Variants in NRG3 observed in about 807,000 individuals in gnomAD.
NRG3 encodes neuregulin 3, also known as pro-neuregulin-3, membrane-bound isoform.
A neutral mutation model predicts 66.9 loss-of-function variants in NRG3; 31 were observed. The observed-to-expected ratio is 0.46, with a 90% CI of 0.35 to 0.63. NRG3 has a LOEUF of 0.63. Among genes scored for constraint, NRG3 ranks in the 20% least tolerant of loss-of-function variants. NRG3 has a pLI of 0.00. For missense variants in NRG3, 910 were observed against 878.9 expected (o/e 1.04, Z -0.45); for synonymous variants, 393 against 359.4 (o/e 1.09, Z -1.06).
intron 2 of NRG3, among the ~76,000 whole-genome samples, chr10:82,692,494 T>C (rs988167654): frequency 2.6e-5 from 4 of 152,052 alleles, no homozygotes; most frequent in African/African-American, 9.7e-5. Context: ...CATTGAAGGG[T>C]GAGAAGGATG....
chr10:81,987,760 A>C lies in NRG3; in HGVS notation c.823+111597A>C, dbSNP rs537542786. On this transcript the variant is annotated intron_variant, in intron 1 of 8. Transcript: ENST00000372141. Reference sequence around the variant, plus strand: ...ATAAGCTCTTTGAAGTCACTTGTTAAATTTATCTTAGAGCTTTGATATCCA... The same window carrying C: ...ATAAGCTCTTTGAAGTCACTTGTTACATTTATCTTAGAGCTTTGATATCCA... 4.6e-5 allele frequency among the ~76,000 whole-genome samples: 7 copies of C among 152,326 alleles called. No individual in the cohort carries two copies. In the East Asian group the frequency reaches 1.4e-3, roughly 29 times the overall value.
chr10:82,924,688 T>C (rs1282031794), intron 4 of NRG3, among the ~76,000 whole-genome samples: 1 of 152,164 alleles, frequency 6.6e-6, no homozygotes, highest in African/African-American at 2.4e-5. Flanking sequence ...ATTAAGATTT[T>C]ACATATTTCA....
At chr10:82,908,634 G>A (rs953711435) in intron 4 of NRG3, among the ~76,000 whole-genome samples, 1 of 152,132 alleles carries the variant, frequency 6.6e-6, no homozygotes, top group Admixed American at 6.6e-5. Context: ...AATCCTCTCT[G>A]TCTGTCTCAC....
chr10:82,694,396 A>T (rs1477839311), intron 2 of NRG3, among the ~76,000 whole-genome samples: 2 of 152,128 alleles, frequency 1.3e-5, no homozygotes, highest in African/African-American at 4.8e-5. Context: ...ATTTTTTGGC[A>T]GTTATTTTTT....
At chr10:82,103,973 CT>C (rs35702929) in intron 1 of NRG3, among the ~76,000 whole-genome samples, 14,855 of 143,432 alleles carry the variant, frequency 0.1, 746 homozygotes, top group Non-Finnish European at 0.12. Context: ...TTTCTCGTGC[CT>C]TTTTTTTTTT....
chr10:82,462,772 G>C (rs1442442803), intron 2 of NRG3, among the ~76,000 whole-genome samples: 2 of 152,196 alleles, frequency 1.3e-5, no homozygotes, highest in Non-Finnish European at 2.9e-5. Flanking sequence ...TGGGGAGAAA[G>C]ATAGTAAATC....
At chr10:82,239,750 G>T (rs6584590) in intron 1 of NRG3, among the ~76,000 whole-genome samples, 17,812 of 151,866 alleles carry the variant, frequency 0.12, 1,140 homozygotes, top group East Asian at 0.22. Flanking sequence ...TATATCTATA[G>T]GTTTACATCT....
At chr10:82,239,462 C>T (rs1333000739) in intron 1 of NRG3, among the ~76,000 whole-genome samples, 3 of 152,060 alleles carry the variant, frequency 2.0e-5, no homozygotes, top group Admixed American at 1.3e-4. Context: ...GGCCAGGTTG[C>T]ACCATAGTAT....
At chr10:82,106,094 G>A (rs560078432) in intron 1 of NRG3, among the ~76,000 whole-genome samples, 20 of 152,304 alleles carry the variant, frequency 1.3e-4, no homozygotes, top group African/African-American at 4.6e-4. Flanking sequence ...TTTTAGACCT[G>A]CTGAGTCCAA....
At chr10:82,693,644 G>A (rs191490999) in intron 2 of NRG3, among the ~76,000 whole-genome samples, 70 of 152,252 alleles carry the variant, frequency 4.6e-4, no homozygotes, top group Non-Finnish European at 1.9e-4. Flanking sequence ...CCTTCTGGTG[G>A]GTTCTTGGTC....
At chr10:82,745,831 G>A (rs1362100072) in intron 3 of NRG3, among the ~76,000 whole-genome samples, 3 of 152,020 alleles carry the variant, frequency 2.0e-5, no homozygotes, top group South Asian at 4.1e-4. Context: ...TAATCAATTC[G>A]TGCATACTAC....
intron 1 of NRG3, among the ~76,000 whole-genome samples, chr10:81,937,530 CT>C (rs1847995910): frequency 6.6e-6 from 1 of 151,900 alleles, no homozygotes; most frequent in Non-Finnish European, 1.5e-5. Context: ...TTTTAATATG[CT>C]TGTGGGCCAT....
At chr10:82,101,708 AT>A (rs1323784404) in intron 1 of NRG3, among the ~76,000 whole-genome samples, 3 of 151,606 alleles carry the variant, frequency 2.0e-5, no homozygotes, top group African/African-American at 7.3e-5. Flanking sequence ...TATGACTTTA[AT>A]TATTTTAAAT....
At chr10:82,764,170 G>T (rs1048025881) in intron 3 of NRG3, among the ~76,000 whole-genome samples, 1 of 151,996 alleles carries the variant, frequency 6.6e-6, no homozygotes, top group Non-Finnish European at 1.5e-5. Context: ...GAGCACCTGG[G>T]AATACAGGCA....
chr10:82,832,713 T>C (rs910020545), intron 3 of NRG3, among the ~76,000 whole-genome samples: 4 of 151,984 alleles, frequency 2.6e-5, no homozygotes, highest in Admixed American at 2.0e-4. Context: ...CAAGATAAAA[T>C]TATGTATTTG....
rs112494361 is a variant in NRG3, at chr10:82,317,940, A to AT, written c.824-40786dup. Among the ~76,000 whole-genome samples the AT allele has an allele frequency of 2.6e-3, 378 of 145,626 alleles. 1 individual carries two copies. The highest frequency in any genetic ancestry group is 5.2e-3 in the East Asian group (26 of 4,984). On this transcript the variant is annotated intron_variant, in intron 1 of 8. Transcript: ENST00000372141. ...CCTTTGTCTGGCTCAGTGAATCTAC[A>AT]TTTTTTTTTTTTTACATAAGATGAT...
intron 2 of NRG3, among the ~76,000 whole-genome samples, chr10:82,625,257 G>A (rs2133662542): frequency 6.6e-6 from 1 of 151,900 alleles, no homozygotes; most frequent in East Asian, 1.9e-4. Context: ...TTTAAACATA[G>A]CCTATGCACT....
At chr10:81,937,956 T>C (rs2133065445) in intron 1 of NRG3, among the ~76,000 whole-genome samples, 1 of 152,178 alleles carries the variant, frequency 6.6e-6, no homozygotes, top group Non-Finnish European at 1.5e-5. Flanking sequence ...TTCTTTTCCA[T>C]GTGGGTATCC....
chr10:82,730,733 A>T (rs1438504866), intron 2 of NRG3, among the ~76,000 whole-genome samples: 1 of 152,200 alleles, frequency 6.6e-6, no homozygotes, highest in Non-Finnish European at 1.5e-5. Context: ...CAGCAAAAGA[A>T]ACCTTATTCT....
Sources: gnomAD v4.1 joint callset for allele counts (sites outside exome capture counted in the v4.1 genomes callset) on GRCh38, gnomAD v4.1.1 for gene constraint, MANE v1.5 for transcripts, NCBI Gene and HGNC (gene_info 2026-07-23, HGNC 2026-07-21) for gene names.